NEDD4: variants seen among roughly 807,000 people sequenced by gnomAD.
NEDD4 encodes the protein NEDD4 E3 ubiquitin protein ligase.
Under a neutral mutation model 144.9 loss-of-function variants are expected in NEDD4, and 99 were observed. The ratio of observed to expected loss-of-function variants is 0.68; its 90% confidence interval spans 0.58 to 0.81. The LOEUF is 0.81. NEDD4 is among the 30% of genes least tolerant of loss of function. The pLI is 0.00. For missense variants in NEDD4, 985 were observed against 1,065.9 expected, an observed-to-expected ratio of 0.92 and a Z score of 1.06; for synonymous variants, 318 against 350.6, an observed-to-expected ratio of 0.91 and a Z score of 1.04.
At chr15:55,936,195 C>A (rs191907062) in intron 4 of NEDD4, among the ~76,000 whole-genome samples, 1 of 152,086 alleles carries the variant, frequency 6.6e-6, no homozygotes, top group Non-Finnish European at 1.5e-5. Context: ...ATTTACTCTC[C>A]GGTATCATTG....
chr15:55,906,350 C>T (rs558234142), intron 5 of NEDD4, among the ~76,000 whole-genome samples: 135 of 152,100 alleles, frequency 8.9e-4, no homozygotes, highest in African/African-American at 3.1e-3. Flanking sequence ...TATTGCAGCA[C>T]TATTCACAAT....
At chr15:55,830,150 G>A (rs1297319474) in intron 28 of NEDD4, 151 bp from the exon 29 acceptor site, 4 of 632,166 alleles carry the variant, frequency 6.3e-6, no homozygotes, top group African/African-American at 1.8e-5. Flanking sequence ...ACGTAGGACT[G>A]GGTTCTGGGC....
chr15:55,836,691 A>G (rs1274516949), intron 24 of NEDD4, among the ~76,000 whole-genome samples: 1 of 152,086 alleles, frequency 6.6e-6, no homozygotes. Context: ...ACGTCCGGCT[A>G]ATTTTTTTGT....
intron 5 of NEDD4, chr15:55,905,385 C>A: frequency 2.4e-6 from 1 of 416,388 alleles, no homozygotes; most frequent in Admixed American, 3.1e-5. Flanking sequence ...ACAGTGAAAC[C>A]CACCAGTTGA....
chr15:55,957,103 A>ATATTTCAAAT (rs1184678587), intron 2 of NEDD4, among the ~76,000 whole-genome samples: 1 of 152,224 alleles, frequency 6.6e-6, no homozygotes, highest in Admixed American at 6.5e-5. Context: ...ATGATAGGAT[A>ATATTTCAAAT]CAGAAATATA....
At chr15:55,982,592 T>A (rs560538906) in intron 1 of NEDD4, among the ~76,000 whole-genome samples, 2 of 152,124 alleles carry the variant, frequency 1.3e-5, no homozygotes, top group Admixed American at 6.5e-5. Context: ...ACGGGCAGAA[T>A]TGACTGGAAG....
At chr15:55,888,024 A>C (rs980906877) in intron 5 of NEDD4, among the ~76,000 whole-genome samples, 3 of 152,202 alleles carry the variant, frequency 2.0e-5, no homozygotes, top group Non-Finnish European at 4.4e-5. Context: ...CCCATAGTGA[A>C]TATCATACTG....
Position 55,856,151 on chromosome 15 carries a change from C to A in NEDD4, c.1006G>T (p.Glu336Ter). 1 of 1,613,010 alleles carries A rather than the reference C, an allele frequency of 6.2e-7. No homozygotes were observed. Among genetic ancestry groups the A allele is most frequent in the South Asian group, 1.1e-5 (1 of 90,792 alleles). ...CTCACCACAGGAAGTGTAGGTTGTT[C>A]CTCAAAAGTATAGGCTTGTAAGCTG... ...RGSLQAYTFEEQPTLPVLLPT... is the reference protein window; with the variant it reads ...RGSLQAYTFE The change falls in exon 12 of 29, where the codon GAA becomes TAA. Residue 336 changes from glutamate to a stop codon, truncating the protein, a stop_gained. Transcript: ENST00000435532. LOFTEE classifies it high-confidence loss of function.
intron 5 of NEDD4, among the ~76,000 whole-genome samples, chr15:55,890,662 G>A (rs560660869): frequency 5.5e-4 from 83 of 152,108 alleles, no homozygotes; most frequent in African/African-American, 2.0e-3. Flanking sequence ...GCTTTTGTAC[G>A]AACATATGTT....
At chr15:55,989,625 C>T (rs1223402784) in intron 1 of NEDD4, among the ~76,000 whole-genome samples, 2 of 152,184 alleles carry the variant, frequency 1.3e-5, no homozygotes, top group Admixed American at 6.5e-5. Flanking sequence ...CTCTCCATAC[C>T]GATAGCGGAG....
Position 55,837,783 on chromosome 15 carries a change from G to A in NEDD4, c.2262+6C>T, listed in dbSNP as rs1216616857. 1 of 1,606,106 alleles carries A rather than the reference G, an allele frequency of 6.2e-7. No homozygotes were observed. Reference sequence around the variant, plus strand: ...TATGGAAGAGCAAATAAAAGAAAATGAATACCTCTTTAAAAGCAGCCATTT... The same window carrying A: ...TATGGAAGAGCAAATAAAAGAAAATAAATACCTCTTTAAAAGCAGCCATTT... On this transcript the variant is annotated splice_donor_region_variant and intron_variant, in intron 24 of 28. Coordinates refer to ENST00000435532, the MANE Select transcript of NEDD4 (RefSeq NM_006154.4).
At chr15:55,952,915 A>G (rs2037268751) in intron 2 of NEDD4, among the ~76,000 whole-genome samples, 1 of 152,206 alleles carries the variant, frequency 6.6e-6, no homozygotes, top group Non-Finnish European at 1.5e-5. Context: ...TTTTAATAAT[A>G]AAAACAAGAA....
At chr15:55,880,219 G>A (rs1261450816) in intron 5 of NEDD4, among the ~76,000 whole-genome samples, 3 of 152,144 alleles carry the variant, frequency 2.0e-5, no homozygotes. Flanking sequence ...TTGAACCCAG[G>A]AAGTGGAGGT....
chr15:55,852,328 AG>A (rs1475217210), intron 13 of NEDD4, 95 bp downstream of exon 13: 1 of 1,319,224 alleles, frequency 7.6e-7, no homozygotes, highest in Non-Finnish European at 1.0e-6. Context: ...AGGTGGTAGA[AG>A]TATCCAGTGT....
intron 2 of NEDD4, among the ~76,000 whole-genome samples, chr15:55,952,974 C>T (rs1595872002): frequency 6.8e-6 from 1 of 147,552 alleles, no homozygotes; most frequent in African/African-American, 2.5e-5. Flanking sequence ...AATCACGTTT[C>T]GTGTATTAAT....
intron 1 of NEDD4, among the ~76,000 whole-genome samples, chr15:55,967,043 T>C (rs2037524785): frequency 6.6e-6 from 1 of 151,826 alleles, no homozygotes; most frequent in African/African-American, 2.4e-5. Context: ...TGCGCCACCA[T>C]GCCCAGATAA....
At chr15:55,959,425 C>G (rs1480208312) in intron 2 of NEDD4, among the ~76,000 whole-genome samples, 1 of 152,154 alleles carries the variant, frequency 6.6e-6, no homozygotes, top group Non-Finnish European at 1.5e-5. Flanking sequence ...CACACATGGT[C>G]TATCTTGATT....
chr15:55,844,696 T>C lies in NEDD4; in HGVS notation c.1608+2273A>G, dbSNP rs147248492. Among the ~76,000 whole-genome samples the C allele has an allele frequency of 2.1e-3, 327 of 152,244 alleles. 1 individual carries two copies. The highest frequency in any genetic ancestry group is 3.1e-3 in the Non-Finnish European group (214 of 68,016). ...CCATGCATTAAAAATGCTTAAACAG[T>C]ATCTGGCATATGGTAATTATTAGCC... On this transcript the variant is annotated intron_variant, in intron 18 of 28. Transcript: ENST00000435532.
intron 5 of NEDD4, chr15:55,915,814 C>T (rs1038854014): frequency 6.2e-7 from 1 of 1,613,786 alleles, no homozygotes; most frequent in Non-Finnish European, 8.5e-7. Context: ...GGCCGTATGT[C>T]TCTTACTTCT....
Sources: gnomAD v4.1 joint callset for allele counts (sites outside exome capture counted in the v4.1 genomes callset) on GRCh38, gnomAD v4.1.1 for gene constraint, MANE v1.5 for transcripts, NCBI Gene and HGNC (gene_info 2026-07-23, HGNC 2026-07-21) for gene names.